SEC63: variants seen among roughly 807,000 people sequenced by gnomAD.
The protein encoded by SEC63 is SEC63 protein translocation regulator.
Under a neutral mutation model 116.2 loss-of-function variants are expected in SEC63, and 56 were observed. That is an observed-to-expected ratio of 0.48 (90% CI 0.39 to 0.60). The LOEUF (loss-of-function observed/expected upper bound fraction) is 0.60. Among genes scored for constraint, SEC63 ranks in the 20% least tolerant of loss-of-function variants. The probability of loss-of-function intolerance (pLI) is 0.00; values close to 1 mark genes in which losing one functional copy is unlikely to be tolerated. For missense variants in SEC63, 668 were observed against 900.0 expected (o/e 0.74, Z 3.30); for synonymous variants, 273 against 294.6 (o/e 0.93, Z 0.75).
intron 4 of SEC63, among the ~76,000 whole-genome samples, chr6:107,921,179 G>A (rs188644054): frequency 6.6e-5 from 10 of 151,168 alleles, no homozygotes; most frequent in Admixed American, 5.9e-4. Flanking sequence ...GCCAAAACAA[G>A]AGAAACAGAT....
At chr6:107,905,390 T>C (rs1787127608) in intron 10 of SEC63, among the ~76,000 whole-genome samples, 1 of 152,186 alleles carries the variant, frequency 6.6e-6, no homozygotes, top group South Asian at 2.1e-4. Context: ...AAGCGTCACA[T>C]GGCCTTGTTT....
chr6:107,872,099 T>C (rs1786148757), intron 20 of SEC63, among the ~76,000 whole-genome samples: 1 of 152,228 alleles, frequency 6.6e-6, no homozygotes, highest in Non-Finnish European at 1.5e-5. Context: ...TGTTATACTA[T>C]TTATGAATGT....
Position 107,871,491 on chromosome 6 carries a change from T to C in SEC63, c.*213A>G. 1.7e-6 allele frequency: 1 copy of C among 587,700 alleles called. No homozygotes were observed. The highest frequency in any genetic ancestry group is 3.1e-6 in the Non-Finnish European group (1 of 327,164). 36.4% of individuals were successfully genotyped at this position (587,700 alleles called of 1,614,324 possible). ...ATTTGCAGATGAAATAAATGTACCA[T>C]CCCCTACTTGAAAGGTTTCAATAAG... is the stretch of plus-strand genomic sequence containing the variant. On this transcript the variant is annotated 3_prime_UTR_variant, in exon 21 of 21. Transcript: ENST00000369002.
At chr6:107,877,916 C>G (rs902431381) in intron 18 of SEC63, among the ~76,000 whole-genome samples, 1 of 152,254 alleles carries the variant, frequency 6.6e-6, no homozygotes, top group South Asian at 2.1e-4. Flanking sequence ...GACAAGTACA[C>G]GGTGACATGA....
chr6:107,871,560 G>A lies in SEC63; in HGVS notation c.*144C>T, dbSNP rs1256060037. On this transcript the variant is annotated 3_prime_UTR_variant, in exon 21 of 21. Coordinates refer to ENST00000369002, the MANE Select transcript of SEC63 (RefSeq NM_007214.5). The stretch of plus-strand genomic sequence containing the variant: ...TGTACCAAGGCACCGCCACTGCCTA[G>A]TTATATTATGCACCCATTTCAAGAG... 6.4e-6 allele frequency: 5 copies of A among 777,726 alleles called. No individual in the cohort carries two copies. The highest frequency in any genetic ancestry group is 3.6e-4 in the Middle Eastern group (1 of 2,744). 48.2% of individuals were successfully genotyped at this position (777,726 alleles called of 1,614,324 possible). A position where few individuals can be genotyped will look rare whatever the true frequency, so the allele number is the denominator to read the frequency against.
intron 18 of SEC63, among the ~76,000 whole-genome samples, chr6:107,879,429 C>A (rs545462212): frequency 3.3e-4 from 50 of 152,336 alleles, no homozygotes; most frequent in African/African-American, 1.2e-3. Context: ...TGGGTTCAAG[C>A]AATTCTCCTG....
At chr6:107,940,094 A>T (rs1483560668) in intron 1 of SEC63, among the ~76,000 whole-genome samples, 1 of 152,138 alleles carries the variant, frequency 6.6e-6, no homozygotes, top group African/African-American at 2.4e-5. Context: ...GGTTACAGAA[A>T]CGTGGGTCCT....
At chr6:107,916,752 C>G (rs943455834) in intron 4 of SEC63, among the ~76,000 whole-genome samples, 4 of 152,174 alleles carry the variant, frequency 2.6e-5, no homozygotes, top group African/African-American at 9.7e-5. Context: ...TTTCTATTAT[C>G]ATTGCGGGGC....
chr6:107,940,574 A>C (rs1051244236), intron 1 of SEC63, among the ~76,000 whole-genome samples: 4 of 151,794 alleles, frequency 2.6e-5, no homozygotes, highest in Non-Finnish European at 5.9e-5. Context: ...GAAATTCACA[A>C]ATGTCCTCTG....
intron 1 of SEC63, among the ~76,000 whole-genome samples, chr6:107,933,612 G>A (rs1327043351): frequency 6.6e-6 from 1 of 152,084 alleles, no homozygotes; most frequent in African/African-American, 2.4e-5. Flanking sequence ...TAAAGCAGAG[G>A]GAAAAGTGAA....
intron 1 of SEC63, among the ~76,000 whole-genome samples, chr6:107,933,902 TG>T (rs893738282): frequency 1.3e-5 from 2 of 152,206 alleles, no homozygotes; most frequent in Admixed American, 1.3e-4. Context: ...CGTACTTTTT[TG>T]GTGGAGACGG....
At chr6:107,928,453 C>T (rs1787726194) in intron 2 of SEC63, among the ~76,000 whole-genome samples, 1 of 149,272 alleles carries the variant, frequency 6.7e-6, no homozygotes, top group Non-Finnish European at 1.5e-5. Flanking sequence ...AGTGCCACTG[C>T]ACTCCAGCCT....
At chr6:107,917,674 A>C (rs963774649) in intron 4 of SEC63, among the ~76,000 whole-genome samples, 2 of 152,230 alleles carry the variant, frequency 1.3e-5, no homozygotes, top group African/African-American at 4.8e-5. Context: ...GATTTGAAGA[A>C]TGTTTCAGTG....
intron 1 of SEC63, among the ~76,000 whole-genome samples, chr6:107,938,676 C>T (rs1359113245): frequency 6.6e-6 from 1 of 151,752 alleles, no homozygotes; most frequent in Admixed American, 6.6e-5. Context: ...AATGCCTCAG[C>T]CTCCCGAGTA....
At chr6:107,944,113 G>T (rs1393196814) in intron 1 of SEC63, among the ~76,000 whole-genome samples, 1 of 152,168 alleles carries the variant, frequency 6.6e-6, no homozygotes, top group African/African-American at 2.4e-5. Flanking sequence ...GTCTGAAAGT[G>T]GAGTATGAGA....
Position 107,955,649 on chromosome 6 carries a change from C to A in SEC63, c.124+2237G>T, listed in dbSNP as rs576328683. 4.4e-4 allele frequency among the ~76,000 whole-genome samples: 67 copies of A among 151,934 alleles called. 1 individual carries two copies. In the South Asian group the frequency reaches 0.014, roughly 32 times the overall value. ...GCCTGTAGTCCCAGCACTTTGGGAG[C>A]CCGAGGAGGGCAGATCACTTGGTGT... On this transcript the variant is annotated intron_variant, in intron 1 of 20. Transcript: ENST00000369002.
At chr6:107,940,832 C>A (rs552418615) in intron 1 of SEC63, among the ~76,000 whole-genome samples, 69 of 149,238 alleles carry the variant, frequency 4.6e-4, no homozygotes, top group African/African-American at 1.7e-3. Flanking sequence ...TCTTTGAGTA[C>A]TTACCTGGGA....
intron 1 of SEC63, among the ~76,000 whole-genome samples, chr6:107,937,378 G>C (rs62427396): frequency 6.6e-6 from 1 of 151,832 alleles, no homozygotes; most frequent in African/African-American, 2.4e-5. Context: ...CACCTGCCTC[G>C]GCCTCCCAAA....
At chr6:107,933,751 C>T (rs1206299576) in intron 1 of SEC63, among the ~76,000 whole-genome samples, 3 of 151,018 alleles carry the variant, frequency 2.0e-5, no homozygotes, top group African/African-American at 4.9e-5. Context: ...TCTCTTTCCA[C>T]GGTCTCCCTC....
Sources: allele counts gnomAD v4.1 joint callset (sites outside exome capture counted in the v4.1 genomes callset), GRCh38; gene constraint gnomAD v4.1.1; transcripts MANE v1.5; gene names NCBI Gene and HGNC (gene_info 2026-07-23, HGNC 2026-07-21).